Variants in DPYD observed in about 807,000 individuals in gnomAD.
DPYD encodes the protein dihydropyrimidine dehydrogenase.
A neutral mutation model predicts 116.2 loss-of-function variants in DPYD; 109 were observed. That is an observed-to-expected ratio of 0.94 (90% CI 0.80 to 1.10). The LOEUF (loss-of-function observed/expected upper bound fraction) is 1.10. Ranked by LOEUF, DPYD falls within the 50% of genes least tolerant of loss-of-function variation. DPYD has a pLI of 0.00. For synonymous variants in DPYD, 440 were observed against 432.0 expected (o/e 1.02, Z -0.23); for missense variants, 1,302 against 1,254.5 (o/e 1.04, Z -0.57).
At chr1:97,352,920 G>A (rs942717762) in intron 16 of DPYD, among the ~76,000 whole-genome samples, 2 of 152,074 alleles carry the variant, frequency 1.3e-5, no homozygotes, top group East Asian at 1.9e-4. Flanking sequence ...GGCAAACGAC[G>A]CATGACAGAA....
intron 3 of DPYD, among the ~76,000 whole-genome samples, chr1:97,742,205 A>T (rs934398125): frequency 1.3e-5 from 2 of 152,108 alleles, no homozygotes; most frequent in Non-Finnish European, 2.9e-5. Flanking sequence ...GTGACTAGCT[A>T]GTTCATTTTC....
At chr1:97,687,834 A>G (rs1182058348) in intron 7 of DPYD, among the ~76,000 whole-genome samples, 1 of 152,214 alleles carries the variant, frequency 6.6e-6, no homozygotes, top group Non-Finnish European at 1.5e-5. Flanking sequence ...AGGGACATGG[A>G]CAGAGCTGGA....
intron 11 of DPYD, among the ~76,000 whole-genome samples, chr1:97,568,384 T>C (rs570403253): frequency 2.0e-4 from 30 of 152,138 alleles, no homozygotes; most frequent in Non-Finnish European, 2.8e-4. Flanking sequence ...TATATGTAAA[T>C]GATTTACATA....
intron 12 of DPYD, among the ~76,000 whole-genome samples, chr1:97,527,073 CCTTTTTTTTTTTT>C (rs1649182584): frequency 6.6e-6 from 1 of 151,698 alleles, no homozygotes; most frequent in African/African-American, 2.4e-5. Context: ...CTGCCCCCAA[CCTTTTTTTTTTTT>C]CTTTTTTTTT....
chr1:97,593,513 T>C (rs1654670223), intron 9 of DPYD, 126 bp from the exon 10 acceptor site: 1 of 1,051,204 alleles, frequency 9.5e-7, no homozygotes. Context: ...GAAGTGTCAC[T>C]ATCAAATTAT....
At chr1:97,479,774 T>C (rs1678196577) in intron 13 of DPYD, among the ~76,000 whole-genome samples, 1 of 152,212 alleles carries the variant, frequency 6.6e-6, no homozygotes, top group Admixed American at 6.5e-5. Context: ...TGGAATAAGG[T>C]ATTAGTCATA....
intron 13 of DPYD, among the ~76,000 whole-genome samples, chr1:97,482,840 A>C (rs1474228966): frequency 3.3e-5 from 5 of 152,130 alleles, no homozygotes; most frequent in African/African-American, 1.2e-4. Flanking sequence ...TAACCTCTCA[A>C]GCAAATTTAT....
At chr1:97,873,927 C>T (rs1444305769) in intron 2 of DPYD, among the ~76,000 whole-genome samples, 1 of 151,578 alleles carries the variant, frequency 6.6e-6, no homozygotes, top group Non-Finnish European at 1.5e-5. Context: ...GACTAAACAA[C>T]CAAACAAGTA....
intron 16 of DPYD, among the ~76,000 whole-genome samples, chr1:97,369,266 C>T (rs1671191885): frequency 6.6e-6 from 1 of 152,024 alleles, no homozygotes; most frequent in Non-Finnish European, 1.5e-5. Context: ...AATTTGGATG[C>T]TAATACACCA....
intron 3 of DPYD, among the ~76,000 whole-genome samples, chr1:97,770,206 T>A (rs960841531): frequency 2.0e-5 from 3 of 152,202 alleles, no homozygotes; most frequent in South Asian, 4.1e-4. Flanking sequence ...ATTATCAGTA[T>A]GACTTTACCA....
intron 13 of DPYD, among the ~76,000 whole-genome samples, chr1:97,513,867 C>T (rs546215754): frequency 3.3e-5 from 5 of 151,904 alleles, no homozygotes; most frequent in Admixed American, 2.0e-4. Flanking sequence ...ATGAGGCAAA[C>T]GGACTACTCT....
intron 13 of DPYD, among the ~76,000 whole-genome samples, chr1:97,488,346 C>T (rs923046423): frequency 3.3e-5 from 5 of 152,128 alleles, no homozygotes; most frequent in Admixed American, 1.3e-4. Context: ...GATGATAGAA[C>T]TGTTCTTTAT....
chr1:97,240,359 G>A (rs944934022), intron 18 of DPYD, among the ~76,000 whole-genome samples: 1 of 151,880 alleles, frequency 6.6e-6, no homozygotes, highest in Non-Finnish European at 1.5e-5. Flanking sequence ...GAAGAAAAAA[G>A]GAATTTTTAA....
Position 97,916,874 on chromosome 1 carries a change from A to C in DPYD, c.39+4010T>G, listed in dbSNP as rs145352298. ...AAAAAACTGCACTGAAACACATATC[A>C]ACACACTCAACTACAGAAATATGCA... is the stretch of plus-strand genomic sequence containing the variant. On this transcript the variant is annotated intron_variant, in intron 1 of 22. Transcript: ENST00000370192. Among the ~76,000 whole-genome samples, 935 of 152,232 alleles carry C rather than the reference A, an allele frequency of 6.1e-3. 8 individuals carry two copies. Among genetic ancestry groups the C allele is most frequent in the African/African-American group, 0.021 (884 of 41,516 alleles).
intron 5 of DPYD, among the ~76,000 whole-genome samples, chr1:97,710,762 T>C (rs1385336815): frequency 2.0e-5 from 3 of 151,772 alleles, no homozygotes; most frequent in African/African-American, 7.2e-5. Flanking sequence ...CCCTGGATAA[T>C]AGAGCACTCA....
At chr1:97,685,895 G>A (rs1356172589) in intron 7 of DPYD, among the ~76,000 whole-genome samples, 6 of 152,136 alleles carry the variant, frequency 3.9e-5, no homozygotes, top group African/African-American at 1.4e-4. Context: ...TATGACAATA[G>A]GCATCCTGCC....
At chr1:97,389,338 G>C (rs1570647809) in intron 14 of DPYD, among the ~76,000 whole-genome samples, 1 of 149,656 alleles carries the variant, frequency 6.7e-6, no homozygotes, top group Admixed American at 6.7e-5. Flanking sequence ...AGAAAGAAAA[G>C]AAAGGGAAAG....
chr1:97,346,796 G>A (rs1669871930), intron 16 of DPYD, among the ~76,000 whole-genome samples: 1 of 151,850 alleles, frequency 6.6e-6, no homozygotes, highest in East Asian at 1.9e-4. Context: ...CTGCGAGTTT[G>A]CTCAATTTAT....
chr1:97,386,589 A>G (rs1672362777), intron 14 of DPYD, among the ~76,000 whole-genome samples: 1 of 152,156 alleles, frequency 6.6e-6, no homozygotes, highest in Non-Finnish European at 1.5e-5. Flanking sequence ...GACAATTACT[A>G]CATGCAAAAC....
Sources: gnomAD v4.1 joint callset for allele counts (sites outside exome capture counted in the v4.1 genomes callset) on GRCh38, gnomAD v4.1.1 for gene constraint, MANE v1.5 for transcripts, NCBI Gene and HGNC (gene_info 2026-07-23, HGNC 2026-07-21) for gene names.